SENP7: variants seen among roughly 807,000 people sequenced by gnomAD.
The protein encoded by SENP7 is SUMO specific peptidase 7, also known as sentrin-specific protease 7.
Under a neutral mutation model 141.2 loss-of-function variants are expected in SENP7, and 64 were observed. That is an observed-to-expected ratio of 0.45 (90% CI 0.37 to 0.56). SENP7 has a LOEUF of 0.56. SENP7 is among the 20% of genes least tolerant of loss of function. The probability of loss-of-function intolerance (pLI) is 0.00; values close to 1 mark genes in which losing one functional copy is unlikely to be tolerated. For synonymous variants in SENP7, 382 were observed against 426.4 expected (o/e 0.90, Z 1.28); for missense variants, 1,025 against 1,212.2 (o/e 0.85, Z 2.29).
At chr3:101,478,234 G>A (rs2064301698) in intron 3 of SENP7, among the ~76,000 whole-genome samples, 1 of 152,106 alleles carries the variant, frequency 6.6e-6, no homozygotes, top group Admixed American at 6.6e-5. Flanking sequence ...GACTGAGTGA[G>A]TAGGCCAGCA....
intron 11 of SENP7, chr3:101,357,581 CA>C: frequency 8.2e-7 from 1 of 1,213,810 alleles, no homozygotes; most frequent in Non-Finnish European, 1.2e-6. Flanking sequence ...TGACAATTTA[CA>C]GTTTAAAAAA....
At chr3:101,454,051 G>GTCAC (rs2063258742) in intron 4 of SENP7, among the ~76,000 whole-genome samples, 1 of 152,134 alleles carries the variant, frequency 6.6e-6, no homozygotes, top group Non-Finnish European at 1.5e-5. Context: ...GATAAGCACT[G>GTCAC]GTGAGGATGT....
chr3:101,437,301 T>C lies in SENP7; in HGVS notation c.285-19511A>G, dbSNP rs536770152. On this transcript the variant is annotated intron_variant, in intron 4 of 23. Coordinates refer to ENST00000394095, the MANE Select transcript of SENP7 (RefSeq NM_020654.5). ...AAAATAGAATGAATAAAACCTACTA[T>C]TGATAGTACAATAGAGTAATATAGT... 3.3e-5 allele frequency among the ~76,000 whole-genome samples: 5 copies of C among 152,268 alleles called. 1 individual carries two copies. The highest frequency in any genetic ancestry group is 1.9e-4 in the East Asian group (1 of 5,184).
At chr3:101,452,237 A>G (rs1421560929) in intron 4 of SENP7, among the ~76,000 whole-genome samples, 1 of 152,252 alleles carries the variant, frequency 6.6e-6, no homozygotes, top group Non-Finnish European at 1.5e-5. Flanking sequence ...ATGGAAGAAC[A>G]TTCCATGCTC....
intron 3 of SENP7, among the ~76,000 whole-genome samples, chr3:101,464,675 A>G (rs762211487): frequency 6.6e-6 from 1 of 152,160 alleles, no homozygotes; most frequent in South Asian, 2.1e-4. Flanking sequence ...ATTTAATTAT[A>G]TACTACAATG....
At chr3:101,403,340 C>T (rs568156527) in intron 5 of SENP7, among the ~76,000 whole-genome samples, 14 of 152,182 alleles carry the variant, frequency 9.2e-5, no homozygotes, top group Admixed American at 2.0e-4. Context: ...ATGTTCATTT[C>T]ATTATGTTCC....
rs186830910 is a variant in SENP7 at position 101,397,601 on chromosome 3, G to A, written c.677+1260C>T. ...TTACTGATTCACTAAGTAGAACCTAGGTGAAAATATTTTCCAAAAGAAGAA... is the reference window on the plus strand; with the variant it reads ...TTACTGATTCACTAAGTAGAACCTAAGTGAAAATATTTTCCAAAAGAAGAA... On this transcript the variant is annotated intron_variant, in intron 6 of 23. Coordinates refer to ENST00000394095, the MANE Select transcript of SENP7 (RefSeq NM_020654.5). Among the ~76,000 whole-genome samples, 318 of 152,112 alleles carry A rather than the reference G, an allele frequency of 2.1e-3. 1 individual carries two copies. Among genetic ancestry groups the A allele is most frequent in the African/African-American group, 7.4e-3 (309 of 41,478 alleles).
intron 3 of SENP7, among the ~76,000 whole-genome samples, chr3:101,480,060 T>C (rs1040695944): frequency 1.3e-5 from 2 of 152,068 alleles, no homozygotes; most frequent in African/African-American, 4.8e-5. Flanking sequence ...ATATCATGCT[T>C]ATGAACTGGA....
At chr3:101,386,908 T>G (rs886799317) in intron 6 of SENP7, among the ~76,000 whole-genome samples, 1 of 152,178 alleles carries the variant, frequency 6.6e-6, no homozygotes, top group Non-Finnish European at 1.5e-5. Context: ...TTGCAGGCAC[T>G]AGCACATGCC....
At chr3:101,428,398 G>A (rs538842977) in intron 4 of SENP7, among the ~76,000 whole-genome samples, 20 of 152,288 alleles carry the variant, frequency 1.3e-4, no homozygotes, top group African/African-American at 4.3e-4. Context: ...TCTAACTGGC[G>A]TGAGATGGTA....
At chr3:101,333,496 C>T (rs1319451465) in intron 17 of SENP7, among the ~76,000 whole-genome samples, 1 of 152,052 alleles carries the variant, frequency 6.6e-6, no homozygotes, top group Admixed American at 6.6e-5. Context: ...TGCACTCTGG[C>T]CTCAGTAACA....
chr3:101,354,894 T>C (rs1172381215), intron 11 of SENP7, among the ~76,000 whole-genome samples: 1 of 152,082 alleles, frequency 6.6e-6, no homozygotes, highest in Admixed American at 6.5e-5. Context: ...CAGCATGTTG[T>C]TGACCTTTTA....
At chr3:101,368,060 A>T in intron 7 of SENP7, 49 bp from the exon 8 acceptor site, 2 of 1,451,846 alleles carry the variant, frequency 1.4e-6, no homozygotes, top group Non-Finnish European at 1.9e-6. Context: ...TATAGAGAGA[A>T]TCTCTTTTAG....
intron 3 of SENP7, among the ~76,000 whole-genome samples, chr3:101,487,396 T>C (rs928396956): frequency 1.3e-5 from 2 of 152,210 alleles, no homozygotes; most frequent in African/African-American, 2.4e-5. Flanking sequence ...CAATAGTTTG[T>C]GAATATTTTC....
chr3:101,416,116 C>T (rs2107651162), intron 5 of SENP7, among the ~76,000 whole-genome samples: 1 of 152,256 alleles, frequency 6.6e-6, no homozygotes, highest in Non-Finnish European at 1.5e-5. Flanking sequence ...CACTTTACAA[C>T]AAGTTGAGTT....
intron 3 of SENP7, among the ~76,000 whole-genome samples, chr3:101,460,809 T>C (rs1042111431): frequency 2.0e-4 from 30 of 152,068 alleles, no homozygotes; most frequent in Admixed American, 1.7e-3. Context: ...AAAAGTATAG[T>C]ATCCAGGTCA....
intron 5 of SENP7, among the ~76,000 whole-genome samples, chr3:101,401,121 A>T (rs1399948289): frequency 6.6e-6 from 1 of 151,932 alleles, no homozygotes; most frequent in Non-Finnish European, 1.5e-5. Flanking sequence ...AGAACTAAAA[A>T]TTACTAAACC....
intron 1 of SENP7, among the ~76,000 whole-genome samples, chr3:101,510,780 G>A (rs1478897193): frequency 1.3e-5 from 2 of 150,162 alleles, no homozygotes; most frequent in African/African-American, 4.9e-5. Flanking sequence ...TTGAACCTGG[G>A]AGGCAGGGGT....
chr3:101,408,523 A>G (rs2061367499), intron 5 of SENP7, among the ~76,000 whole-genome samples: 1 of 152,190 alleles, frequency 6.6e-6, no homozygotes, highest in African/African-American at 2.4e-5. Flanking sequence ...CACAGATGCA[A>G]AAGTCCTTAA....
Sources: gnomAD v4.1 joint callset for allele counts (sites outside exome capture counted in the v4.1 genomes callset) on GRCh38, gnomAD v4.1.1 for gene constraint, MANE v1.5 for transcripts, NCBI Gene and HGNC (gene_info 2026-07-23, HGNC 2026-07-21) for gene names.